DAB1: variants seen among roughly 807,000 people sequenced by gnomAD.
DAB1 encodes the protein DAB adaptor protein 1.
A neutral mutation model predicts 64.6 loss-of-function variants in DAB1; 15 were observed. The ratio of observed to expected loss-of-function variants is 0.23; its 90% confidence interval spans 0.16 to 0.36. The LOEUF is 0.36. Ranked by LOEUF, DAB1 falls within the 10% of genes least tolerant of loss-of-function variation. The pLI, the probability that DAB1 is intolerant of heterozygous loss-of-function variation, is 1.00. For missense variants in DAB1, 596 were observed against 706.7 expected, an observed-to-expected ratio of 0.84 and a Z score of 1.78; for synonymous variants, 235 against 251.9, an observed-to-expected ratio of 0.93 and a Z score of 0.64.
chr1:57,310,225 T>C (rs1176295244), intron 1 of DAB1, among the ~76,000 whole-genome samples: 1 of 152,106 alleles, frequency 6.6e-6, no homozygotes, highest in Non-Finnish European at 1.5e-5. Flanking sequence ...AGTAAGTCTT[T>C]TTAATGAGTA....
At chr1:58,354,388 G>A (rs887237077) in intron 3 of DAB1, among the ~76,000 whole-genome samples, 4 of 152,086 alleles carry the variant, frequency 2.6e-5, no homozygotes, top group African/African-American at 9.7e-5. Flanking sequence ...CAGTGTAATT[G>A]GTGCACCTTC....
At chr1:58,538,489 A>G (rs564727981) in intron 1 of DAB1, among the ~76,000 whole-genome samples, 10 of 149,284 alleles carry the variant, frequency 6.7e-5, no homozygotes, top group Non-Finnish European at 1.3e-4. Flanking sequence ...AGTCATAAAT[A>G]TAAGATTTTT....
intron 3 of DAB1, among the ~76,000 whole-genome samples, chr1:57,139,533 T>C (rs1658406314): frequency 6.6e-6 from 1 of 152,204 alleles, no homozygotes; most frequent in African/African-American, 2.4e-5. Flanking sequence ...CTGAAAGGAC[T>C]GTCAAAGCGG....
At chr1:58,326,804 G>A (rs896497402) in intron 4 of DAB1, among the ~76,000 whole-genome samples, 3 of 152,138 alleles carry the variant, frequency 2.0e-5, no homozygotes, top group African/African-American at 4.8e-5. Flanking sequence ...TTCTGGGTCC[G>A]CACTTCCCTG....
chr1:57,221,417 A>G (rs1327741551), intron 2 of DAB1, among the ~76,000 whole-genome samples: 2 of 151,114 alleles, frequency 1.3e-5, no homozygotes, highest in East Asian at 3.9e-4. Context: ...AAAAAGGCTA[A>G]CACGGTATGA....
intron 4 of DAB1, among the ~76,000 whole-genome samples, chr1:58,334,618 T>C (rs555836524): frequency 1.0e-3 from 142 of 139,792 alleles, no homozygotes; most frequent in African/African-American, 3.2e-3. Context: ...TATTATATTA[T>C]ATTATATTAT....
chr1:58,316,004 C>A (rs1256486124), intron 4 of DAB1, among the ~76,000 whole-genome samples: 1 of 152,162 alleles, frequency 6.6e-6, no homozygotes, highest in Admixed American at 6.5e-5. Context: ...AGTTTGGAAT[C>A]AAAAAGACTG....
chr1:57,195,486 A>G (rs1664552350), intron 2 of DAB1, among the ~76,000 whole-genome samples: 1 of 152,240 alleles, frequency 6.6e-6, no homozygotes, highest in Non-Finnish European at 1.5e-5. Context: ...TTCCCATCAT[A>G]TTCCCATTTT....
intron 1 of DAB1, among the ~76,000 whole-genome samples, chr1:57,353,062 A>G (rs1360567046): frequency 6.6e-6 from 1 of 151,730 alleles, no homozygotes; most frequent in African/African-American, 2.4e-5. Context: ...ATTCCTTATA[A>G]TAAATATTTT....
chr1:57,595,085 C>A (rs1645490937), intron 7 of DAB1, among the ~76,000 whole-genome samples: 1 of 152,020 alleles, frequency 6.6e-6, no homozygotes. Context: ...TTTAAAAATC[C>A]ATTTCTACCC....
At chr1:57,566,474 AAT>A (rs1645122489) in intron 7 of DAB1, among the ~76,000 whole-genome samples, 1 of 152,206 alleles carries the variant, frequency 6.6e-6, no homozygotes, top group Non-Finnish European at 1.5e-5. Flanking sequence ...TCAAAAAATC[AAT>A]GAATCCAGGA....
intron 2 of DAB1, among the ~76,000 whole-genome samples, chr1:57,245,191 G>A (rs1668772970): frequency 6.6e-6 from 1 of 152,160 alleles, no homozygotes; most frequent in South Asian, 2.1e-4. Context: ...GCTATACTTT[G>A]GCACAGATTG....
intron 3 of DAB1, among the ~76,000 whole-genome samples, chr1:57,140,446 G>T (rs1658491407): frequency 6.6e-6 from 1 of 152,102 alleles, no homozygotes; most frequent in Admixed American, 6.5e-5. Context: ...TGATTCTCAA[G>T]GTAGGAATCC....
intron 2 of DAB1, among the ~76,000 whole-genome samples, chr1:57,230,225 C>T (rs1667562573): frequency 1.3e-5 from 2 of 151,228 alleles, no homozygotes; most frequent in Non-Finnish European, 2.9e-5. Context: ...AGCTACCATT[C>T]AGAGATTGCT....
intron 1 of DAB1, among the ~76,000 whole-genome samples, chr1:57,304,198 C>G (rs77987396): frequency 0.055 from 8,356 of 152,220 alleles, 255 homozygotes; most frequent in Non-Finnish European, 0.074. Flanking sequence ...AAAACAGGAG[C>G]AGGAGAGAAG....
chr1:57,318,731 C>CA lies in DAB1; in HGVS notation c.-136-27566dup, dbSNP rs10522783. Among the ~76,000 whole-genome samples the CA allele has an allele frequency of 2.3e-3, 273 of 116,876 alleles. 1 individual carries two copies. The highest frequency in any genetic ancestry group is 8.5e-3 in the Middle Eastern group (2 of 236). The allele number at this position is 116,876 out of a possible 152,430, so 76.7% of individuals were successfully genotyped here. A position where few individuals can be genotyped will look rare whatever the true frequency, so the allele number is the denominator to read the frequency against. On this transcript the variant is annotated intron_variant, in intron 1 of 14. Coordinates refer to ENST00000371236, the MANE Select transcript of DAB1 (RefSeq NM_001365792.1). ...AACTTTTTGTTTACCCGGTAATTTG[C>CA]AAAAAAAAAAAAAAAAAAAAAAATT...
At chr1:58,186,256 T>C (rs1463390860) in intron 4 of DAB1, among the ~76,000 whole-genome samples, 2 of 152,154 alleles carry the variant, frequency 1.3e-5, no homozygotes, top group Non-Finnish European at 2.9e-5. Flanking sequence ...TTCACTAGCA[T>C]GGGGCAACAG....
At chr1:58,139,414 G>A (rs1320837565) in intron 5 of DAB1, among the ~76,000 whole-genome samples, 1 of 152,166 alleles carries the variant, frequency 6.6e-6, no homozygotes, top group African/African-American at 2.4e-5. Context: ...TTACGATCAT[G>A]GCAAAAGGAG....
At chr1:57,247,374 A>C (rs569307384) in intron 2 of DAB1, among the ~76,000 whole-genome samples, 63 of 152,030 alleles carry the variant, frequency 4.1e-4, no homozygotes, top group African/African-American at 1.5e-3. Flanking sequence ...CCATGGTAAG[A>C]TGTGCTTGTT....
Sources: allele counts gnomAD v4.1 joint callset (sites outside exome capture counted in the v4.1 genomes callset), GRCh38; gene constraint gnomAD v4.1.1; transcripts MANE v1.5; gene names NCBI Gene and HGNC (gene_info 2026-07-23, HGNC 2026-07-21).